The following CACNA1D variants were observed in gnomAD, a reference collection of about 807,000 sequenced individuals.
The protein encoded by CACNA1D is voltage-dependent L-type calcium channel subunit alpha-1D.
In CACNA1D, 55 loss-of-function variants were observed where a neutral mutation model predicts 257.1. The ratio of observed to expected loss-of-function variants is 0.21; its 90% CI spans 0.17 to 0.27. The LOEUF (loss-of-function observed/expected upper bound fraction) is 0.27, where lower values mean the gene tolerates loss of function less well. Ranked by LOEUF, CACNA1D falls within the 10% of genes least tolerant of loss-of-function variation. CACNA1D has a pLI of 1.00. For synonymous variants in CACNA1D, 980 were observed against 1,014.9 expected (o/e 0.97, Z 0.65); for missense variants, 1,876 against 2,784.0 (o/e 0.67, Z 7.34).
At position 53,780,088 on chromosome 3, in the gene CACNA1D, G is replaced by C; in HGVS notation, c.4650G>C (p.Leu1550=). 4 of 1,614,164 alleles carry C rather than the reference G, an allele frequency of 2.5e-6. No homozygotes were observed. Among genetic ancestry groups the C allele is most frequent in the Non-Finnish European group, 3.4e-6 (4 of 1,179,988 alleles). The part of the protein sequence containing the change: ...SDGTVMFNAT[L]FALVRTALKI... Reference sequence around the variant, plus strand: ...GGACAGTCATGTTTAATGCAACCCTGTTTGCTTTGGTTCGAACGGCTCTTA... The same window carrying C: ...GGACAGTCATGTTTAATGCAACCCTCTTTGCTTTGGTTCGAACGGCTCTTA... Residue 1550 remains leucine, a synonymous_variant, in exon 38 of 48, where the codon CTG becomes CTC. Transcript: ENST00000350061.
chr3:53,723,693 A>G lies in CACNA1D; in HGVS notation c.1892+34A>G, dbSNP rs2094904080. The G allele has an allele frequency of 6.2e-7, 1 of 1,605,460 alleles. No homozygotes were observed. Among genetic ancestry groups the G allele is most frequent in the Middle Eastern group, 1.7e-4 (1 of 6,060 alleles). On this transcript the variant is annotated intron_variant, in intron 13 of 47. Coordinates refer to ENST00000350061, the MANE Select transcript of CACNA1D (RefSeq NM_001128840.3). This position sits in a 1 kb window ranked among gnomAD's most constrained non-coding sequence, Gnocchi z 5.6. ...ATGTGGGTCCCACTGCAAATGTTTT[A>G]TGAACATGAGGCGGCAACCAGTCAC...
chr3:53,805,104 CGGA>C lies in CACNA1D; in HGVS notation c.5709_5711del (p.Arg1904del). On this transcript the variant is annotated inframe_deletion, in exon 45 of 48. Coordinates refer to ENST00000350061, the MANE Select transcript of CACNA1D (RefSeq NM_001128840.3). Reference sequence around the variant, plus strand: ...TGACTCGCCCGTTTGCTATGATTCACGGAGATCTCCAAGGAGACGCCTACTACC... The same window carrying C: ...TGACTCGCCCGTTTGCTATGATTCACGATCTCCAAGGAGACGCCTACTACC... 6.2e-7 allele frequency: 1 copy of C among 1,614,116 alleles called. No homozygotes were observed. Among genetic ancestry groups the C allele is most frequent in the Non-Finnish European group, 8.5e-7 (1 of 1,180,026 alleles).
intron 1 of CACNA1D, among the ~76,000 whole-genome samples, chr3:53,496,943 T>G (rs537901992): frequency 3.2e-4 from 48 of 152,308 alleles, no homozygotes; most frequent in African/African-American, 1.1e-3. Flanking sequence ...TCCTGTGTGA[T>G]TGACACTGAG....
At chr3:53,804,910 G>C (rs2095554331) in intron 44 of CACNA1D, 73 bp from the exon 45 acceptor site, 5 of 1,372,276 alleles carry the variant, frequency 3.6e-6, no homozygotes, top group Non-Finnish European at 5.2e-6. Flanking sequence ...GAGGAGTATG[G>C]ATGTCAGTCT....
Position 53,691,854 on chromosome 3 carries a change from T to C in CACNA1D, c.1221-10787T>C, listed in dbSNP as rs568788971. On this transcript the variant is annotated intron_variant, in intron 8 of 47. Coordinates refer to ENST00000350061, the MANE Select transcript of CACNA1D (RefSeq NM_001128840.3). The stretch of plus-strand genomic sequence containing the variant: ...TAATATATATTACATATATAATATA[T>C]AATATATATTATATATATTACATAT... 5.6e-3 allele frequency among the ~76,000 whole-genome samples: 564 copies of C among 100,020 alleles called. 4 individuals carry two copies. The highest frequency in any genetic ancestry group is 8.5e-3 in the Non-Finnish European group (428 of 50,524). The allele number at this position is 100,020 out of a possible 152,430, so 65.6% of individuals were successfully genotyped here.
Position 53,732,033 on chromosome 3 carries a change from T to C in CACNA1D, c.2424T>C (p.Tyr808=), listed in dbSNP as rs758409319. 4.3e-6 allele frequency: 7 copies of C among 1,610,246 alleles called. No homozygotes were observed. The East Asian group carries it at 8.9e-5, about 21-fold the overall frequency. The change falls in exon 18 of 48, where the codon TAT becomes TAC. Residue 808 remains tyrosine, a synonymous_variant. Coordinates refer to ENST00000350061, the MANE Select transcript of CACNA1D (RefSeq NM_001128840.3). ...CATCCTAGGTTACAATTGATGACTATAGAGAAGAGGATGAAGACAAGGACC... is the reference window on the plus strand; with the variant it reads ...CATCCTAGGTTACAATTGATGACTACAGAGAAGAGGATGAAGACAAGGACC... The part of the protein sequence containing the change: ...NSDNKVTIDD[Y]REEDEDKDPY...
chr3:53,768,068 T>C (rs916193737), intron 30 of CACNA1D, among the ~76,000 whole-genome samples: 2 of 152,238 alleles, frequency 1.3e-5, no homozygotes, highest in African/African-American at 4.8e-5. Context: ...TTCAAAGATA[T>C]CAGTTGAAGA....
At chr3:53,772,192 C>T (rs2095370042) in intron 32 of CACNA1D, among the ~76,000 whole-genome samples, 1 of 152,144 alleles carries the variant, frequency 6.6e-6, no homozygotes, top group African/African-American at 2.4e-5. Flanking sequence ...GGCGACCCCC[C>T]AGCTCACTCC....
At chr3:53,761,775 TGC>T (rs1298242743) in intron 29 of CACNA1D, among the ~76,000 whole-genome samples, 2 of 152,056 alleles carry the variant, frequency 1.3e-5, no homozygotes, top group Admixed American at 6.5e-5. Flanking sequence ...TATGCACACG[TGC>T]GTGTGTGCGT....
chr3:53,729,148 C>T (rs1371265563), intron 15 of CACNA1D, among the ~76,000 whole-genome samples: 1 of 152,216 alleles, frequency 6.6e-6, no homozygotes, highest in Admixed American at 6.5e-5. Flanking sequence ...TGTTACCAAG[C>T]CATCTCCAGC....
Position 53,810,295 on chromosome 3 carries a change from G to A in CACNA1D, c.6189G>A (p.Glu2063=), listed in dbSNP as rs770454954. The A allele has an allele frequency of 3.1e-6, 5 of 1,613,462 alleles. No individual in the cohort carries two copies. In the African/African-American group the frequency reaches 6.7e-5, roughly 22 times the overall value. The stretch of plus-strand genomic sequence containing the variant: ...AGAGGAGTGCGGACAGCTTGGTGGA[G>A]GCAGTGAGTACGGTTCTTGGCCGTG... ...DKQRSADSLV[E]AVLISEGLGR... Residue 2063 remains glutamate (E), a synonymous_variant, in exon 47 of 48, where the codon GAG becomes GAA. Coordinates refer to ENST00000350061, the MANE Select transcript of CACNA1D (RefSeq NM_001128840.3).
intron 9 of CACNA1D, among the ~76,000 whole-genome samples, chr3:53,703,289 C>T (rs1406758624): frequency 2.0e-5 from 3 of 152,168 alleles, no homozygotes; most frequent in African/African-American, 7.2e-5. Context: ...ATGCTTAGCC[C>T]ATCAGGGGCT....
intron 26 of CACNA1D, 28 bp from the exon 27 acceptor site, chr3:53,749,240 G>T: frequency 6.4e-7 from 1 of 1,557,526 alleles, no homozygotes; most frequent in East Asian, 2.2e-5. Flanking sequence ...GGGCTTGGCA[G>T]GTCCTCACTT....
At chr3:53,651,366 C>CATTTTTTTTTTTTTTT (rs1553623470) in intron 4 of CACNA1D, among the ~76,000 whole-genome samples, 1 of 81,836 alleles carries the variant, frequency 1.2e-5, no homozygotes, top group Non-Finnish European at 2.3e-5. Flanking sequence ...TATTAATTTT[C>CATTTTTTTTTTTTTTT]TTTTTTTTTT....
Position 53,758,596 on chromosome 3 carries a change from T to C in CACNA1D, c.3787-3402T>C, listed in dbSNP as rs189403121. On this transcript the variant is annotated intron_variant, in intron 29 of 47. Coordinates refer to ENST00000350061, the MANE Select transcript of CACNA1D (RefSeq NM_001128840.3). ...ATAGGGTTCTTAGACATAGTGGTGC[T>C]TCCTGACCCTGAGGCCCACATTAGT... is the stretch of plus-strand genomic sequence containing the variant. 4.3e-4 allele frequency among the ~76,000 whole-genome samples: 66 copies of C among 152,354 alleles called. No homozygotes were observed. The East Asian group carries it at 9.4e-3, about 22-fold the overall frequency.
chr3:53,601,818 C>T (rs2093446558), intron 3 of CACNA1D, among the ~76,000 whole-genome samples: 1 of 152,230 alleles, frequency 6.6e-6, no homozygotes, highest in Non-Finnish European at 1.5e-5. Flanking sequence ...CCAAGCGATT[C>T]CCCTGCCTCA....
At chr3:53,504,192 A>G (rs900031892) in intron 3 of CACNA1D, among the ~76,000 whole-genome samples, 2 of 152,102 alleles carry the variant, frequency 1.3e-5, no homozygotes, top group Non-Finnish European at 2.9e-5. Flanking sequence ...GAATGGTAAA[A>G]TCAAAGGGCA....
intron 3 of CACNA1D, among the ~76,000 whole-genome samples, chr3:53,551,659 C>T (rs892333768): frequency 6.6e-5 from 10 of 152,246 alleles, no homozygotes; most frequent in Non-Finnish European, 1.2e-4. Context: ...AATCTCATGG[C>T]TCTTTGCCAT....
chr3:53,580,934 G>T (rs1282031999), intron 3 of CACNA1D, among the ~76,000 whole-genome samples: 1 of 152,216 alleles, frequency 6.6e-6, no homozygotes. Flanking sequence ...AAGTTAGTAA[G>T]TGGCAGTAGG....
Sources: allele counts gnomAD v4.1 joint callset (sites outside exome capture counted in the v4.1 genomes callset), GRCh38; gene constraint gnomAD v4.1.1; non-coding constraint Gnocchi (gnomAD v3.1); transcripts MANE v1.5; gene names NCBI Gene and HGNC (gene_info 2026-07-23, HGNC 2026-07-21).